SUSD6: variants seen among roughly 807,000 people sequenced by gnomAD.
SUSD6 encodes sushi domain containing 6, also known as sushi domain-containing protein 6.
SUSD6 carries 16 observed loss-of-function variants against 28.4 expected under a neutral mutation model. The observed-to-expected ratio is 0.56, with a 90% CI of 0.38 to 0.86. The LOEUF (loss-of-function observed/expected upper bound fraction) is 0.86, where lower values mean the gene tolerates loss of function less well. Among genes scored for constraint, SUSD6 ranks in the 40% least tolerant of loss-of-function variants. The pLI is 0.00. For missense variants in SUSD6, 341 were observed against 384.2 expected (o/e 0.89, Z 0.94); for synonymous variants, 147 against 159.6 (o/e 0.92, Z 0.59).
At chr14:69,667,377 T>C (rs1238615244) in intron 2 of SUSD6, among the ~76,000 whole-genome samples, 1 of 138,822 alleles carries the variant, frequency 7.2e-6, no homozygotes, top group African/African-American at 2.7e-5. Flanking sequence ...TTTCTTTTTT[T>C]TTTTTTTTTT....
At chr14:69,663,777 T>G (rs1595046830) in intron 2 of SUSD6, among the ~76,000 whole-genome samples, 1 of 152,220 alleles carries the variant, frequency 6.6e-6, no homozygotes, top group South Asian at 2.1e-4. Flanking sequence ...TTGCCTATGG[T>G]CTTTTCTGGG....
At position 69,619,258 on chromosome 14, in the gene SUSD6, CA is replaced by C. The variant is rs564474727; in HGVS notation, c.-81+7431del. ...GAGTCTAATAGTGAAATTACAAAGG[CA>C]GTGAGTCATTAAGTCCAATTCTTCT... On this transcript the variant is annotated intron_variant, in intron 1 of 5. Transcript: ENST00000342745. Among the ~76,000 whole-genome samples the C allele has an allele frequency of 5.7e-4, 87 of 151,782 alleles. 1 individual carries two copies. The South Asian group carries it at 0.01, about 18-fold the overall frequency.
At chr14:69,654,774 T>TC (rs1270721514) in intron 1 of SUSD6, among the ~76,000 whole-genome samples, 1 of 85,220 alleles carries the variant, frequency 1.2e-5, no homozygotes, top group African/African-American at 4.2e-5. Flanking sequence ...CCAATTTCTT[T>TC]TTTTTTTTTT....
At chr14:69,679,348 A>T (rs1444343683) in intron 2 of SUSD6, among the ~76,000 whole-genome samples, 2 of 152,174 alleles carry the variant, frequency 1.3e-5, no homozygotes, top group Admixed American at 1.3e-4. Context: ...GTGATCATTG[A>T]TGTTAACATC....
Position 69,659,354 on chromosome 14 carries a change from C to T in SUSD6, c.121+641C>T, listed in dbSNP as rs143115552. Among the ~76,000 whole-genome samples the T allele has an allele frequency of 2.4e-3, 362 of 152,288 alleles. 1 individual carries two copies. Among genetic ancestry groups the T allele is most frequent in the African/African-American group, 7.9e-3 (329 of 41,560 alleles). On this transcript the variant is annotated intron_variant, in intron 2 of 5. Coordinates refer to ENST00000342745, the MANE Select transcript of SUSD6 (RefSeq NM_014734.4). ...TTAACCATTCTAGGGCTCAGTTTTT[C>T]CCTCCATCAGATGAATGGGTTTACC...
intron 2 of SUSD6, among the ~76,000 whole-genome samples, chr14:69,695,200 C>T (rs947105515): frequency 1.3e-5 from 2 of 151,978 alleles, no homozygotes; most frequent in Admixed American, 1.3e-4. Flanking sequence ...GACTATTTGG[C>T]GGGATCGGGA....
intron 5 of SUSD6, among the ~76,000 whole-genome samples, 169 bp downstream of exon 5, chr14:69,709,273 G>A (rs1009980590): frequency 1.3e-5 from 2 of 152,292 alleles, no homozygotes; most frequent in East Asian, 1.9e-4. Flanking sequence ...ACTGAGTAGG[G>A]CTTTGGGCTC....
chr14:69,709,111 G>A lies in SUSD6; in HGVS notation c.886+7G>A, dbSNP rs772020995. 24 of 1,554,372 alleles carry A rather than the reference G, an allele frequency of 1.5e-5. 1 individual carries two copies. The South Asian group carries it at 1.6e-4, about 10-fold the overall frequency. ...TCAGAGGAGTACACAGATGGTGAGTGGTCCAAGCTGAACATGAATTATTAG... is the reference window on the plus strand; with the variant it reads ...TCAGAGGAGTACACAGATGGTGAGTAGTCCAAGCTGAACATGAATTATTAG... On this transcript the variant is annotated splice_region_variant and intron_variant, in intron 5 of 5. Coordinates refer to ENST00000342745, the MANE Select transcript of SUSD6 (RefSeq NM_014734.4).
intron 2 of SUSD6, among the ~76,000 whole-genome samples, chr14:69,670,884 G>T (rs1885821698): frequency 6.6e-6 from 1 of 152,244 alleles, no homozygotes; most frequent in South Asian, 2.1e-4. Context: ...TTGAAACTTT[G>T]GATGTCCAAT....
chr14:69,654,313 T>G (rs1477961192), intron 1 of SUSD6, among the ~76,000 whole-genome samples: 1 of 152,210 alleles, frequency 6.6e-6, no homozygotes, highest in East Asian at 1.9e-4. Context: ...TATTGAAGAT[T>G]CCGAGTTGAG....
Position 69,708,761 on chromosome 14 carries a change from A to G in SUSD6, c.543A>G (p.Val181=), listed in dbSNP as rs1270542148. 3 of 1,614,050 alleles carry G rather than the reference A, an allele frequency of 1.9e-6. No homozygotes were observed. In the Admixed American group the frequency reaches 5.0e-5, roughly 27 times the overall value. Residue 181 remains valine (V), a synonymous_variant, in exon 5 of 6, where the codon GTA becomes GTG. Coordinates refer to ENST00000342745, the MANE Select transcript of SUSD6 (RefSeq NM_014734.4). ...CACTACCATCATACGAGGAGGCTGT[A>G]TATGGCAGTTCTGGTCACTGTGTGC... ...QVALPSYEEA[V]YGSSGHCVPP... is the part of the protein sequence containing the mutation.
At chr14:69,620,670 T>A (rs188759936) in intron 1 of SUSD6, among the ~76,000 whole-genome samples, 42 of 152,210 alleles carry the variant, frequency 2.8e-4, no homozygotes, top group Admixed American at 2.6e-3. Flanking sequence ...CGTTAGAGAG[T>A]TTCCCCTAGT....
At position 69,708,966 on chromosome 14, in the gene SUSD6, G is replaced by GA; in HGVS notation, c.748_749insA (p.Val250AspfsTer32). The GA allele has an allele frequency of 6.2e-7, 1 of 1,614,184 alleles. No homozygotes were observed. Among genetic ancestry groups the GA allele is most frequent in the Non-Finnish European group, 8.5e-7 (1 of 1,180,048 alleles). The stretch of plus-strand genomic sequence containing the variant: ...CTGGGGCTCTCGGGCCTCAGAGACT[G>GA]TGATGGTGCATCAGGCAACCACCTC... On this transcript the variant is annotated frameshift_variant, in exon 5 of 6. Coordinates refer to ENST00000342745, the MANE Select transcript of SUSD6 (RefSeq NM_014734.4). LOFTEE classifies it high-confidence loss of function.
intron 2 of SUSD6, among the ~76,000 whole-genome samples, chr14:69,684,497 C>T (rs1483783891): frequency 6.6e-6 from 1 of 152,218 alleles, no homozygotes; most frequent in Non-Finnish European, 1.5e-5. Flanking sequence ...CTATTAATTT[C>T]CAGTAGAAGT....
intron 1 of SUSD6, among the ~76,000 whole-genome samples, chr14:69,653,746 A>AATTTTT (rs1885537738): frequency 3.5e-5 from 1 of 28,900 alleles, no homozygotes; most frequent in Non-Finnish European, 8.2e-5. Context: ...ACCTAGTGAA[A>AATTTTT]CTTTTTTTTT....
chr14:69,653,271 A>C (rs1315651982), intron 1 of SUSD6, among the ~76,000 whole-genome samples: 1 of 152,190 alleles, frequency 6.6e-6, no homozygotes, highest in Non-Finnish European at 1.5e-5. Context: ...TCCTGCTACC[A>C]CCAGGTGTTG....
In SUSD6 at chr14:69,711,707, G is replaced by A. The variant is rs1280494392; in HGVS notation, c.*728G>A. 1 of 152,320 alleles carries A rather than the reference G, an allele frequency of 6.6e-6. No individual in the cohort carries two copies. Among genetic ancestry groups the A allele is most frequent in the Non-Finnish European group, 1.5e-5 (1 of 68,086 alleles). The allele number at this position is 152,320 out of a possible 1,614,324, so 9.4% of individuals were successfully genotyped here. A position where few individuals can be genotyped will look rare whatever the true frequency, so the allele number is the denominator to read the frequency against. ...AGGCACAAGCTCCTGGCCCTGTTGAGTTGAGAGTTTCCAAGAAGCATCCAG... is the reference window on the plus strand; with the variant it reads ...AGGCACAAGCTCCTGGCCCTGTTGAATTGAGAGTTTCCAAGAAGCATCCAG... On this transcript the variant is annotated 3_prime_UTR_variant, in exon 6 of 6. Coordinates refer to ENST00000342745, the MANE Select transcript of SUSD6 (RefSeq NM_014734.4).
At chr14:69,689,859 T>C (rs774109336) in intron 2 of SUSD6, among the ~76,000 whole-genome samples, 2 of 152,084 alleles carry the variant, frequency 1.3e-5, no homozygotes, top group African/African-American at 2.4e-5. Context: ...GGATACAAGG[T>C]TTTACCATGT....
At chr14:69,641,621 G>T (rs1372441618) in intron 1 of SUSD6, among the ~76,000 whole-genome samples, 1 of 151,702 alleles carries the variant, frequency 6.6e-6, no homozygotes, top group Non-Finnish European at 1.5e-5. Flanking sequence ...ACAGGGTCTC[G>T]CTCTGCCACC....
Sources: gnomAD v4.1 joint callset for allele counts (sites outside exome capture counted in the v4.1 genomes callset) on GRCh38, gnomAD v4.1.1 for gene constraint, MANE v1.5 for transcripts, NCBI Gene and HGNC (gene_info 2026-07-23, HGNC 2026-07-21) for gene names.